The following CENPW variants were observed in gnomAD, a reference collection of about 807,000 sequenced individuals.
CENPW encodes the protein centromere protein W.
CENPW carries 3 observed loss-of-function variants against 11.1 expected under a neutral mutation model. The ratio of observed to expected loss-of-function variants is 0.27; its 90% confidence interval spans 0.12 to 0.70. The LOEUF (loss-of-function observed/expected upper bound fraction) is 0.70. Ranked by LOEUF, CENPW falls within the 30% of genes least tolerant of loss-of-function variation. The pLI is 0.77. For synonymous variants in CENPW, 38 were observed against 42.0 expected, an observed-to-expected ratio of 0.91 and a Z score of 0.37; for missense variants, 100 against 105.6, an observed-to-expected ratio of 0.95 and a Z score of 0.23.
intron 1 of CENPW, among the ~76,000 whole-genome samples, chr6:126,345,363 A>G (rs1467877880): frequency 1.3e-5 from 2 of 152,034 alleles, no homozygotes; most frequent in African/African-American, 2.4e-5. Context: ...AGAAGGTGTC[A>G]GCTATGGTTG....
the CENPW span, among the ~76,000 whole-genome samples, chr6:126,482,889 G>C: frequency 6.6e-6 from 1 of 151,914 alleles, no homozygotes; most frequent in Non-Finnish European, 1.5e-5. Context: ...CAAAATAACA[G>C]GCTGGGATTT....
At chr6:126,471,405 A>G in the CENPW span, among the ~76,000 whole-genome samples, 1 of 152,104 alleles carries the variant, frequency 6.6e-6, no homozygotes, top group African/African-American at 2.4e-5. Flanking sequence ...GAACTATGAG[A>G]CTTTCCTTTA....
the CENPW span, among the ~76,000 whole-genome samples, chr6:126,481,297 C>G: frequency 6.6e-6 from 1 of 151,720 alleles, no homozygotes; most frequent in Non-Finnish European, 1.5e-5. Context: ...GGGGTGCATA[C>G]TTAGAATGTA....
chr6:126,361,414 A>G, the CENPW span, among the ~76,000 whole-genome samples: 1 of 151,444 alleles, frequency 6.6e-6, no homozygotes, highest in Non-Finnish European at 1.5e-5. Context: ...TTCTTCCTCA[A>G]CCTCCAGGGG....
chr6:126,415,476 A>G, the CENPW span, among the ~76,000 whole-genome samples: 1 of 152,184 alleles, frequency 6.6e-6, no homozygotes, highest in Non-Finnish European at 1.5e-5. Context: ...TTAGAGGAGA[A>G]GATTGAGACT....
chr6:126,467,760 C>T, the CENPW span, among the ~76,000 whole-genome samples: 1 of 152,258 alleles, frequency 6.6e-6, no homozygotes, highest in East Asian at 1.9e-4. Flanking sequence ...CACACAGTGA[C>T]TGTCTTCCAA....
At chr6:126,427,765 C>T in the CENPW span, among the ~76,000 whole-genome samples, 3 of 152,094 alleles carry the variant, frequency 2.0e-5, no homozygotes, top group African/African-American at 7.2e-5. Context: ...CATGTAAGTC[C>T]TACATTTTTC....
chr6:126,405,855 T>A, the CENPW span, among the ~76,000 whole-genome samples: 1 of 152,164 alleles, frequency 6.6e-6, no homozygotes, highest in East Asian at 1.9e-4. Flanking sequence ...TCTTGGAAGT[T>A]TATTGATTTT....
the CENPW span, among the ~76,000 whole-genome samples, chr6:126,436,482 C>T: frequency 5.3e-5 from 8 of 151,780 alleles, no homozygotes; most frequent in Non-Finnish European, 8.8e-5. Context: ...TTATTAATAT[C>T]ATCCAGATAT....
the CENPW span, among the ~76,000 whole-genome samples, chr6:126,471,931 A>T: frequency 6.6e-6 from 1 of 152,184 alleles, no homozygotes; most frequent in Non-Finnish European, 1.5e-5. Flanking sequence ...ATCTAATGTC[A>T]GTTATTGGGC....
the CENPW span, among the ~76,000 whole-genome samples, chr6:126,442,118 T>G: frequency 6.6e-6 from 1 of 151,592 alleles, no homozygotes; most frequent in Non-Finnish European, 1.5e-5. Context: ...ACATCTATTA[T>G]GTTTTGATTT....
chr6:126,390,747 T>C, the CENPW span, among the ~76,000 whole-genome samples: 175 of 152,102 alleles, frequency 1.2e-3, no homozygotes, highest in Middle Eastern at 3.4e-3. Context: ...GCCTGGCTTA[T>C]TTCACTTAAC....
chr6:126,358,742 C>T, the CENPW span, among the ~76,000 whole-genome samples: 1 of 151,958 alleles, frequency 6.6e-6, no homozygotes, highest in African/African-American at 2.4e-5. Context: ...AGGGAGAAGC[C>T]CCTTCTCCTT....
At chr6:126,409,227 G>A in the CENPW span, among the ~76,000 whole-genome samples, 1 of 152,058 alleles carries the variant, frequency 6.6e-6, no homozygotes, top group African/African-American at 2.4e-5. Flanking sequence ...CCATATATTT[G>A]TACCTTTCAA....
downstream of CENPW, among the ~76,000 whole-genome samples, chr6:126,350,899 A>G (rs1390851004): frequency 6.7e-6 from 1 of 149,064 alleles, no homozygotes; most frequent in African/African-American, 2.4e-5. Context: ...TGTAAATTTG[A>G]AAAAAAACAA....
the CENPW span, among the ~76,000 whole-genome samples, chr6:126,455,460 AC>A: frequency 2.0e-5 from 3 of 151,430 alleles, no homozygotes; most frequent in East Asian, 1.9e-4. Flanking sequence ...CAGAACTAAA[AC>A]CAAAAACCAC....
At chr6:126,464,329 A>T in the CENPW span, among the ~76,000 whole-genome samples, 1 of 152,104 alleles carries the variant, frequency 6.6e-6, no homozygotes, top group East Asian at 1.9e-4. Flanking sequence ...TATCAATCTG[A>T]TAGAGGGTAC....
chr6:126,431,259 T>C, the CENPW span, among the ~76,000 whole-genome samples: 1 of 152,232 alleles, frequency 6.6e-6, no homozygotes, highest in Admixed American at 6.5e-5. Context: ...TTTCACCTCC[T>C]GAATGCTCTG....
the CENPW span, among the ~76,000 whole-genome samples, chr6:126,461,806 G>A: frequency 6.6e-6 from 1 of 151,788 alleles, no homozygotes; most frequent in African/African-American, 2.4e-5. Context: ...TTTTCAATAT[G>A]TGACATTAAA....
Sources: allele counts gnomAD v4.1 joint callset (sites outside exome capture counted in the v4.1 genomes callset), GRCh38; gene constraint gnomAD v4.1.1; transcripts MANE v1.5; gene names NCBI Gene and HGNC (gene_info 2026-07-23, HGNC 2026-07-21).